The following CSGALNACT1 variants were observed in gnomAD, a reference collection of about 807,000 sequenced individuals.
CSGALNACT1 encodes chondroitin sulfate N-acetylgalactosaminyltransferase 1, also known as beta4GalNAcT-1.
Under a neutral mutation model 51.0 loss-of-function variants are expected in CSGALNACT1, and 52 were observed. The observed-to-expected ratio is 1.02, with a 90% CI of 0.82 to 1.29. The LOEUF (loss-of-function observed/expected upper bound fraction) is 1.29, where lower values mean the gene tolerates loss of function less well. Among genes scored for constraint, CSGALNACT1 ranks in the 50% most tolerant of loss-of-function variants. The pLI, the probability that CSGALNACT1 is intolerant of heterozygous loss-of-function variation, is 0.00. For missense variants in CSGALNACT1, 935 were observed against 679.2 expected (o/e 1.38, Z -4.19); for synonymous variants, 341 against 254.4 (o/e 1.34, Z -3.24).
Position 19,522,680 on chromosome 8 carries a change from C to G in CSGALNACT1, c.-296-16550G>C, listed in dbSNP as rs187095695. On this transcript the variant is annotated intron_variant, in intron 3 of 9. Transcript: ENST00000454498. ...ACTCTGGGTACACCTTGGTGAAGTT[C>G]TGACCTGCAAAGTCACTCTTCAAGT... Among the ~76,000 whole-genome samples, 52 of 152,334 alleles carry G rather than the reference C, an allele frequency of 3.4e-4. No individual in the cohort carries two copies. The Middle Eastern group carries it at 0.01, about 30-fold the overall frequency.
chr8:19,523,416 C>T (rs1290328654), intron 3 of CSGALNACT1, among the ~76,000 whole-genome samples: 1 of 152,120 alleles, frequency 6.6e-6, no homozygotes, highest in Non-Finnish European at 1.5e-5. Context: ...AGATGCATGA[C>T]ATGATGCCCA....
intron 3 of CSGALNACT1, among the ~76,000 whole-genome samples, chr8:19,578,377 G>C (rs921711896): frequency 1.3e-5 from 2 of 152,144 alleles, no homozygotes; most frequent in African/African-American, 4.8e-5. Flanking sequence ...CCTGTACTTA[G>C]GAATCAGCCA....
At chr8:19,742,808 G>C (rs1432923797) in intron 1 of CSGALNACT1, among the ~76,000 whole-genome samples, 1 of 152,184 alleles carries the variant, frequency 6.6e-6, no homozygotes, top group Non-Finnish European at 1.5e-5. Flanking sequence ...TGGTCCAAAT[G>C]TCATCGTCTA....
At chr8:19,583,028 C>T (rs185200862) in intron 3 of CSGALNACT1, among the ~76,000 whole-genome samples, 210 of 152,218 alleles carry the variant, frequency 1.4e-3, no homozygotes, top group African/African-American at 4.8e-3. Context: ...GTCAGGGACA[C>T]ATATATACAC....
intron 3 of CSGALNACT1, among the ~76,000 whole-genome samples, chr8:19,586,505 C>G (rs946816167): frequency 6.6e-6 from 1 of 151,948 alleles, no homozygotes; most frequent in Non-Finnish European, 1.5e-5. Flanking sequence ...GGACACTTTT[C>G]AAAATTGCAG....
intron 3 of CSGALNACT1, among the ~76,000 whole-genome samples, chr8:19,572,473 A>T (rs1376693821): frequency 6.6e-6 from 1 of 152,220 alleles, no homozygotes; most frequent in East Asian, 1.9e-4. Flanking sequence ...CTGTTCAGAT[A>T]AACTAGCCTT....
At chr8:19,446,970 G>A (rs1253288296) in intron 5 of CSGALNACT1, among the ~76,000 whole-genome samples, 1 of 152,162 alleles carries the variant, frequency 6.6e-6, no homozygotes, top group South Asian at 2.1e-4. Context: ...TAATTAAGAT[G>A]TATTTCCTAT....
intron 4 of CSGALNACT1, among the ~76,000 whole-genome samples, chr8:19,470,670 T>C (rs2067928409): frequency 6.6e-6 from 1 of 152,110 alleles, no homozygotes; most frequent in Non-Finnish European, 1.5e-5. Context: ...AATCATCTCA[T>C]TGCCTCTCTA....
intron 9 of CSGALNACT1, among the ~76,000 whole-genome samples, chr8:19,407,413 C>T (rs904289334): frequency 6.6e-6 from 1 of 152,150 alleles, no homozygotes; most frequent in African/African-American, 2.4e-5. Flanking sequence ...CCTGAGGGCA[C>T]GGTCCCCCTG....
intron 1 of CSGALNACT1, among the ~76,000 whole-genome samples, chr8:19,652,785 A>G (rs76885307): frequency 0.018 from 2,770 of 152,266 alleles, 172 homozygotes; most frequent in East Asian, 0.18. Flanking sequence ...AAATCAATAG[A>G]TATTTCTCTG....
At chr8:19,472,597 C>T (rs1176802027) in intron 4 of CSGALNACT1, among the ~76,000 whole-genome samples, 6 of 152,204 alleles carry the variant, frequency 3.9e-5, no homozygotes, top group Admixed American at 1.3e-4. Flanking sequence ...AAAGGGCACA[C>T]GAGTAAGAAT....
intron 6 of CSGALNACT1, among the ~76,000 whole-genome samples, chr8:19,430,111 C>A (rs779211588): frequency 6.6e-6 from 1 of 152,152 alleles, no homozygotes; most frequent in African/African-American, 2.4e-5. Context: ...TGAATATAGA[C>A]CCTTATCAGA....
chr8:19,650,139 A>G (rs1210480061), intron 1 of CSGALNACT1, among the ~76,000 whole-genome samples: 1 of 152,180 alleles, frequency 6.6e-6, no homozygotes, highest in Non-Finnish European at 1.5e-5. Flanking sequence ...TGCATTTCTA[A>G]TAAGGATACT....
intron 4 of CSGALNACT1, among the ~76,000 whole-genome samples, chr8:19,464,839 C>A (rs1436435112): frequency 6.6e-6 from 1 of 152,186 alleles, no homozygotes; most frequent in African/African-American, 2.4e-5. Flanking sequence ...AGGTTAGGGA[C>A]TGCCGACAAC....
chr8:19,480,982 G>A (rs2071223604), intron 4 of CSGALNACT1, among the ~76,000 whole-genome samples: 1 of 152,120 alleles, frequency 6.6e-6, no homozygotes, highest in African/African-American at 2.4e-5. Context: ...CTAGGTCTGT[G>A]TACTTCTCAA....
intron 3 of CSGALNACT1, among the ~76,000 whole-genome samples, chr8:19,512,872 G>A (rs2078720726): frequency 6.6e-6 from 1 of 152,198 alleles, no homozygotes; most frequent in Non-Finnish European, 1.5e-5. Flanking sequence ...ACTGTTTCCA[G>A]AAACCAGAGT....
chr8:19,493,016 C>G (rs1587144501), intron 4 of CSGALNACT1, among the ~76,000 whole-genome samples: 1 of 149,614 alleles, frequency 6.7e-6, no homozygotes, highest in African/African-American at 2.5e-5. Flanking sequence ...GAAAGAGAAT[C>G]GACATCAATA....
upstream of CSGALNACT1, among the ~76,000 whole-genome samples, chr8:19,604,244 G>C (rs998072820): frequency 6.6e-6 from 1 of 152,160 alleles, no homozygotes; most frequent in Admixed American, 6.5e-5. Flanking sequence ...TCCAGGAGGT[G>C]ACCTGCAGGT....
At chr8:19,551,253 T>C (rs1186672598) in intron 3 of CSGALNACT1, among the ~76,000 whole-genome samples, 1 of 152,198 alleles carries the variant, frequency 6.6e-6, no homozygotes, top group Non-Finnish European at 1.5e-5. Flanking sequence ...TAGGAAAGAC[T>C]TGCTCATTGA....
Sources: gnomAD v4.1 joint callset for allele counts (sites outside exome capture counted in the v4.1 genomes callset) on GRCh38, gnomAD v4.1.1 for gene constraint, MANE v1.5 for transcripts, NCBI Gene and HGNC (gene_info 2026-07-23, HGNC 2026-07-21) for gene names.